Variants in CA10 observed in about 807,000 individuals in gnomAD.
CA10 encodes carbonic anhydrase-related protein 10.
A neutral mutation model predicts 44.2 loss-of-function variants in CA10; 14 were observed. The ratio of observed to expected loss-of-function variants is 0.32; its 90% CI spans 0.21 to 0.50. The LOEUF (loss-of-function observed/expected upper bound fraction) is 0.50, where lower values mean the gene tolerates loss of function less well. CA10 is among the 20% of genes least tolerant of loss of function. CA10 has a pLI of 0.99. For missense variants in CA10, 350 were observed against 409.7 expected (o/e 0.85, Z 1.26); for synonymous variants, 159 against 141.6 (o/e 1.12, Z -0.87).
At chr17:51,904,598 G>T (rs1327072378) in intron 3 of CA10, among the ~76,000 whole-genome samples, 2 of 152,032 alleles carry the variant, frequency 1.3e-5, no homozygotes, top group Non-Finnish European at 2.9e-5. Flanking sequence ...TCATAAAAAG[G>T]ACAAAAAACT....
chr17:52,007,867 T>C (rs1056797054), intron 2 of CA10, among the ~76,000 whole-genome samples: 1 of 151,582 alleles, frequency 6.6e-6, no homozygotes, highest in Non-Finnish European at 1.5e-5. Flanking sequence ...AAAGACATTT[T>C]ATAATAGCTA....
intron 4 of CA10, among the ~76,000 whole-genome samples, chr17:51,689,089 T>A (rs1248528823): frequency 3.3e-5 from 5 of 152,178 alleles, no homozygotes; most frequent in African/African-American, 1.2e-4. Context: ...CTCTCAACCA[T>A]ATCATCCCTC....
intron 6 of CA10, among the ~76,000 whole-genome samples, chr17:51,644,331 C>T (rs547283121): frequency 2.6e-5 from 4 of 152,240 alleles, no homozygotes; most frequent in South Asian, 2.1e-4. Flanking sequence ...GGCAGCCACA[C>T]GGGAGCCTCT....
intron 3 of CA10, among the ~76,000 whole-genome samples, chr17:51,784,813 C>T (rs1223494049): frequency 6.6e-6 from 1 of 152,188 alleles, no homozygotes; most frequent in Non-Finnish European, 1.5e-5. Context: ...AAAATGTATA[C>T]TTCAATTATT....
intron 1 of CA10, among the ~76,000 whole-genome samples, chr17:52,096,943 A>G (rs1988416258): frequency 6.6e-6 from 1 of 152,184 alleles, no homozygotes; most frequent in Non-Finnish European, 1.5e-5. Flanking sequence ...CTGCAATGAT[A>G]CAATTCATTC....
intron 3 of CA10, among the ~76,000 whole-genome samples, chr17:51,748,088 T>C (rs1467051614): frequency 1.3e-5 from 2 of 152,216 alleles, no homozygotes; most frequent in Non-Finnish European, 2.9e-5. Context: ...ATTTTGTGCA[T>C]TGTATTTTAT....
chr17:51,782,998 A>G (rs1906120548), intron 3 of CA10, among the ~76,000 whole-genome samples: 2 of 152,192 alleles, frequency 1.3e-5, no homozygotes. Flanking sequence ...ATTTTGCATA[A>G]GACAGCCAGA....
intron 3 of CA10, among the ~76,000 whole-genome samples, chr17:51,750,522 A>G (rs1904857093): frequency 6.6e-6 from 1 of 152,220 alleles, no homozygotes; most frequent in Non-Finnish European, 1.5e-5. Context: ...ATTGTAAAAA[A>G]AATCTGTAAT....
intron 3 of CA10, among the ~76,000 whole-genome samples, chr17:51,825,330 C>T (rs1273399987): frequency 6.6e-6 from 1 of 151,884 alleles, no homozygotes; most frequent in Non-Finnish European, 1.5e-5. Flanking sequence ...CTGCTGGGAC[C>T]ATCTTTGTAA....
chr17:52,050,249 C>T (rs779002539), intron 2 of CA10, among the ~76,000 whole-genome samples: 4 of 151,584 alleles, frequency 2.6e-5, no homozygotes, highest in Non-Finnish European at 5.9e-5. Flanking sequence ...TCCTTCGTTG[C>T]TTTTTTTTCC....
At chr17:52,081,576 G>A (rs1292152249) in intron 1 of CA10, among the ~76,000 whole-genome samples, 6 of 152,124 alleles carry the variant, frequency 3.9e-5, no homozygotes, top group East Asian at 1.9e-4. Context: ...CGAGGCGGGC[G>A]GATCACGAGG....
At chr17:51,870,064 T>C (rs947322868) in intron 3 of CA10, among the ~76,000 whole-genome samples, 1 of 152,218 alleles carries the variant, frequency 6.6e-6, no homozygotes, top group African/African-American at 2.4e-5. Flanking sequence ...GCCAATCTAT[T>C]GCTGCATGAA....
At chr17:51,636,775 T>TTGTGTGTGTG (rs57428535) in intron 6 of CA10, among the ~76,000 whole-genome samples, 2,367 of 146,576 alleles carry the variant, frequency 0.016, 17 homozygotes, top group African/African-American at 0.024. Context: ...ACTGATTATT[T>TTGTGTGTGTG]TGTGTGTGTG....
chr17:51,798,834 C>T (rs1297237930), intron 3 of CA10, among the ~76,000 whole-genome samples: 1 of 152,174 alleles, frequency 6.6e-6, no homozygotes, highest in African/African-American at 2.4e-5. Flanking sequence ...TAAAGTTATG[C>T]TAGTACACTA....
At chr17:51,954,955 C>G (rs1472116341) in intron 2 of CA10, among the ~76,000 whole-genome samples, 2 of 152,112 alleles carry the variant, frequency 1.3e-5, no homozygotes, top group Non-Finnish European at 2.9e-5. Context: ...ATGTATGCTT[C>G]TTTTCAGGCT....
intron 2 of CA10, among the ~76,000 whole-genome samples, chr17:51,980,596 C>T (rs1433950162): frequency 6.6e-6 from 1 of 151,996 alleles, no homozygotes; most frequent in African/African-American, 2.4e-5. Context: ...TCTGCCTGTT[C>T]CTATGTCTAG....
intron 3 of CA10, among the ~76,000 whole-genome samples, chr17:51,905,940 G>T (rs1981530956): frequency 6.6e-6 from 1 of 152,032 alleles, no homozygotes; most frequent in African/African-American, 2.4e-5. Context: ...ACCCTCCTCT[G>T]TCCCTCCAGT....
intron 3 of CA10, among the ~76,000 whole-genome samples, chr17:51,928,073 A>G (rs1340234020): frequency 6.6e-6 from 1 of 152,200 alleles, no homozygotes; most frequent in African/African-American, 2.4e-5. Context: ...GTTTGGGATC[A>G]TAAGTGCTTC....
chr17:52,117,608 G>A (rs1988926427), intron 1 of CA10, among the ~76,000 whole-genome samples: 1 of 152,146 alleles, frequency 6.6e-6, no homozygotes, highest in Non-Finnish European at 1.5e-5. Context: ...AGAAAAATAA[G>A]CACTTAGATC....
Sources: allele counts gnomAD v4.1 joint callset (sites outside exome capture counted in the v4.1 genomes callset), GRCh38; gene constraint gnomAD v4.1.1; transcripts MANE v1.5; gene names NCBI Gene and HGNC (gene_info 2026-07-23, HGNC 2026-07-21).